The following RPGR variants were observed in gnomAD, a reference collection of about 807,000 sequenced individuals.
RPGR encodes X-linked retinitis pigmentosa GTPase regulator.
A neutral mutation model predicts 56.3 loss-of-function variants in RPGR; 10 were observed. The ratio of observed to expected loss-of-function variants is 0.18; its 90% CI spans 0.11 to 0.30. The LOEUF (loss-of-function observed/expected upper bound fraction) is 0.30, where lower values mean the gene tolerates loss of function less well. Ranked by LOEUF, RPGR falls within the 10% of genes least tolerant of loss-of-function variation. RPGR has a pLI of 1.00. For synonymous variants in RPGR, 197 were observed against 212.9 expected, an observed-to-expected ratio of 0.93 and a Z score of 0.65; for missense variants, 538 against 590.9, an observed-to-expected ratio of 0.91 and a Z score of 0.93.
intron 15 of RPGR, among the ~76,000 whole-genome samples, chrX:38,283,837 G>C: frequency 9.0e-6 from 1 of 111,348 alleles, no homozygotes; most frequent in Non-Finnish European, 1.9e-5. Flanking sequence ...TTTTCTTTAT[G>C]AATTCTGTGT....
Position 38,291,783 on chromosome X carries a change from T to C in RPGR, c.1415-299A>G, listed in dbSNP as rs761203019. Among the ~76,000 whole-genome samples, 13 of 112,232 alleles carry C rather than the reference T, an allele frequency of 1.2e-4. No homozygotes were observed. In the South Asian group the frequency reaches 3.7e-3, roughly 32 times the overall value. On this transcript the variant is annotated intron_variant, in intron 11 of 18. Coordinates refer to ENST00000642395, the MANE Select transcript of RPGR (RefSeq NM_000328.3). ...CCCAGGTATCAAGCACTGTAATAGC[T>C]AGTCCTAAGAAGGGCCCCAATGACC...
intron 15 of RPGR, chrX:38,284,526 A>G: frequency 1.3e-6 from 1 of 748,122 alleles, no homozygotes; most frequent in Non-Finnish European, 1.6e-6. Context: ...GAAGGCTCTG[A>G]TAAAGTACAG....
rs1418355872 is a variant in RPGR at position 38,286,796 on chromosome X, G to A, written c.1905+298C>T. The A allele has an allele frequency of 4.4e-6, 5 of 1,136,892 alleles. No individual in the cohort carries two copies. The South Asian group carries it at 7.8e-5, about 18-fold the overall frequency. The allele number at this position is 1,136,892 out of a possible 1,213,427, so 93.7% of individuals were successfully genotyped here. A position where few individuals can be genotyped will look rare whatever the true frequency, so the allele number is the denominator to read the frequency against. On this transcript the variant is annotated intron_variant, in intron 15 of 18. Coordinates refer to ENST00000642395, the MANE Select transcript of RPGR (RefSeq NM_000328.3). ...CCCTCCTCTTCTTCTCCTTCTCCATGCTCCTCCTCCCCTCCCTCCTCCATC... is the reference window on the plus strand; with the variant it reads ...CCCTCCTCTTCTTCTCCTTCTCCATACTCCTCCTCCCCTCCCTCCTCCATC...
intron 1 of RPGR, chrX:38,326,831 G>A (rs111927330): frequency 0.018 from 1,962 of 111,571 alleles, 41 homozygotes; most frequent in African/African-American, 0.061. Flanking sequence ...GGCCGAGGTG[G>A]GCTGATCACC....
intron 15 of RPGR, among the ~76,000 whole-genome samples, chrX:38,281,751 A>C (rs763113299): frequency 4.8e-4 from 53 of 111,459 alleles, no homozygotes; most frequent in African/African-American, 1.4e-3. Flanking sequence ...GTCAAATAAC[A>C]ACCACCACCA....
intron 8 of RPGR, among the ~76,000 whole-genome samples, chrX:38,303,381 A>G (rs997009982): frequency 8.9e-6 from 1 of 112,137 alleles, no homozygotes; most frequent in South Asian, 3.7e-4. Flanking sequence ...AAAGGCAAAC[A>G]AAGTTAATGT....
At chrX:38,306,487 T>C (rs1319268784) in intron 7 of RPGR, among the ~76,000 whole-genome samples, 1 of 112,519 alleles carries the variant, frequency 8.9e-6, no homozygotes, top group African/African-American at 3.2e-5. Context: ...ATAAAAATGT[T>C]TGCTTCATAA....
At chrX:38,292,507 G>A (rs145760928) in intron 11 of RPGR, among the ~76,000 whole-genome samples, 2,224 of 111,937 alleles carry the variant, frequency 0.02, 38 homozygotes, top group Middle Eastern at 0.056. Context: ...AAAAATGACA[G>A]TCCACACTGA....
intron 11 of RPGR, among the ~76,000 whole-genome samples, chrX:38,291,758 C>G (rs1265081410): frequency 1.8e-5 from 2 of 111,852 alleles, no homozygotes; most frequent in Non-Finnish European, 3.8e-5. Flanking sequence ...TAAATAACTA[C>G]CCAGGTATCA....
At chrX:38,317,704 C>G (rs1489135389) in intron 5 of RPGR, 7 of 326,064 alleles carry the variant, frequency 2.1e-5, no homozygotes, top group Admixed American at 5.2e-5. Flanking sequence ...TAAGTCCTGA[C>G]CATATTTTTA....
Position 38,281,151 on chromosome X carries a change from C to T in RPGR, c.1906-4379G>A, listed in dbSNP as rs572800374. 5.3e-5 allele frequency among the ~76,000 whole-genome samples: 6 copies of T among 112,552 alleles called. No individual in the cohort carries two copies. In the South Asian group the frequency reaches 2.2e-3, roughly 41 times the overall value. ...TATCTTGCTGGCGAGCATTTTTATTCTCATTTTCAGATTTATTCTTTACTA... is the reference window on the plus strand; with the variant it reads ...TATCTTGCTGGCGAGCATTTTTATTTTCATTTTCAGATTTATTCTTTACTA... On this transcript the variant is annotated intron_variant, in intron 15 of 18. Transcript: ENST00000642395.
intron 15 of RPGR, chrX:38,285,087 CAGTAGGTAAACTGTAA>C (rs1301324435): frequency 3.7e-5 from 27 of 736,101 alleles, no homozygotes; most frequent in Non-Finnish European, 4.3e-5. Flanking sequence ...TTATTCTATA[CAGTAGGTAAACTGTAA>C]TCACTAACTT....
Position 38,318,896 on chromosome X carries a change from G to C in RPGR, c.402C>G (p.Ser134Arg). 2.5e-6 allele frequency: 3 copies of C among 1,211,291 alleles called. No individual in the cohort carries two copies. The highest frequency in any genetic ancestry group is 3.4e-6 in the Non-Finnish European group (3 of 895,004). ...TAATCTTATGCTCGGATGTAAAAAA[G>C]CTAATTACATGAAAAGTGTTTCTTT... is the stretch of plus-strand genomic sequence containing the variant. The change falls in exon 5 of 19, where the codon AGC (serine) becomes AGG (arginine). Residue 134 changes from serine to arginine, a missense_variant. Around this residue, in one of 2 missense-constraint regions of RPGR, gnomAD observed 181 missense variants for 265.1 expected, o/e 0.68. Coordinates refer to ENST00000642395, the MANE Select transcript of RPGR (RefSeq NM_000328.3).
chrX:38,278,920 C>T (rs957643321), intron 15 of RPGR, among the ~76,000 whole-genome samples: 5 of 112,063 alleles, frequency 4.5e-5, no homozygotes, highest in East Asian at 2.8e-4. Flanking sequence ...TAAAAAGACA[C>T]GTGGGAGTTT....
At chrX:38,282,653 G>A (rs982787163) in intron 15 of RPGR, among the ~76,000 whole-genome samples, 1 of 111,652 alleles carries the variant, frequency 9.0e-6, no homozygotes, top group South Asian at 3.8e-4. Flanking sequence ...TCAGAAACAA[G>A]AAAAGCTTGG....
chrX:38,295,301 T>C (rs2067354757), intron 11 of RPGR, among the ~76,000 whole-genome samples: 2 of 112,202 alleles, frequency 1.8e-5, no homozygotes. Context: ...CTTAGTAAGA[T>C]ATATCCTGAT....
At chrX:38,315,162 G>A (rs1422951752) in intron 6 of RPGR, among the ~76,000 whole-genome samples, 1 of 110,899 alleles carries the variant, frequency 9.0e-6, no homozygotes, top group African/African-American at 3.3e-5. Context: ...AAACCCTGTC[G>A]CTATTAAAAA....
chrX:38,318,818 A>G lies in RPGR; in HGVS notation c.469+11T>C. On this transcript the variant is annotated intron_variant, in intron 5 of 18. Transcript: ENST00000642395. ...GAATGTGTCCCAGACTGAAAAAGAA[A>G]CAAGTCTCACCAGTTAGGGCAGCTG... The G allele has an allele frequency of 8.3e-7, 1 of 1,211,026 alleles. No individual in the cohort carries two copies. Among genetic ancestry groups the G allele is most frequent in the African/African-American group, 1.7e-5 (1 of 57,881 alleles).
chrX:38,276,814 G>C (rs764538828), intron 15 of RPGR: 1 of 1,069,310 alleles, frequency 9.4e-7, no homozygotes, highest in Non-Finnish European at 1.3e-6. Flanking sequence ...AGATTTTCTT[G>C]TTAAAAAACG....
Sources: gnomAD v4.1 joint callset for allele counts (sites outside exome capture counted in the v4.1 genomes callset) on GRCh38, gnomAD v4.1.1 for gene constraint, gnomAD v4.1.1 regional missense constraint, MANE v1.5 for transcripts, NCBI Gene and HGNC (gene_info 2026-07-23, HGNC 2026-07-21) for gene names.